The following DCAF8 variants were observed in gnomAD, a reference collection of about 807,000 sequenced individuals.
The protein encoded by DCAF8 is DDB1 and CUL4 associated factor 8.
Under a neutral mutation model 68.0 loss-of-function variants are expected in DCAF8, and 20 were observed. The ratio of observed to expected loss-of-function variants is 0.29; its 90% CI spans 0.21 to 0.43. The LOEUF is 0.43. Ranked by LOEUF, DCAF8 falls within the 20% of genes least tolerant of loss-of-function variation. DCAF8 has a pLI of 1.00. For synonymous variants in DCAF8, 230 were observed against 276.9 expected (o/e 0.83, Z 1.68); for missense variants, 460 against 771.0 (o/e 0.60, Z 4.78).
At chr1:160,254,052 C>T (rs1023852116) in intron 2 of DCAF8, among the ~76,000 whole-genome samples, 3 of 151,994 alleles carry the variant, frequency 2.0e-5, no homozygotes, top group Non-Finnish European at 4.4e-5. Flanking sequence ...GGGATGGGTG[C>T]GTGGCTCATG....
chr1:160,244,473 ACAACACT>A (rs1656240448), intron 2 of DCAF8, among the ~76,000 whole-genome samples: 1 of 152,222 alleles, frequency 6.6e-6, no homozygotes, highest in Non-Finnish European at 1.5e-5. Context: ...CAAACTCTGT[ACAACACT>A]TGTTTTCACA....
intron 6 of DCAF8, among the ~76,000 whole-genome samples, chr1:160,234,055 T>G (rs1655784635): frequency 6.6e-6 from 1 of 152,156 alleles, no homozygotes; most frequent in African/African-American, 2.4e-5. Flanking sequence ...GCTAAAGGAA[T>G]ATTCCATCCA....
intron 5 of DCAF8, among the ~76,000 whole-genome samples, chr1:160,237,485 G>GAGATATGAA (rs1655936404): frequency 6.6e-6 from 1 of 152,138 alleles, no homozygotes; most frequent in South Asian, 2.1e-4. Flanking sequence ...AAGTCCTCAA[G>GAGATATGAA]AGATATGAAC....
intron 6 of DCAF8, among the ~76,000 whole-genome samples, chr1:160,234,860 A>G (rs1655815974): frequency 6.6e-6 from 1 of 152,152 alleles, no homozygotes; most frequent in Non-Finnish European, 1.5e-5. Context: ...TTCCACTATA[A>G]ATCTCCCAGT....
At chr1:160,241,980 C>T (rs1317153052) in intron 3 of DCAF8, among the ~76,000 whole-genome samples, 1 of 152,212 alleles carries the variant, frequency 6.6e-6, no homozygotes, top group African/African-American at 2.4e-5. Flanking sequence ...CGGTGGCTAA[C>T]ACCTGTAATC....
At chr1:160,224,355 G>T in intron 10 of DCAF8, 87 bp downstream of exon 10, 2 of 974,866 alleles carry the variant, frequency 2.1e-6, no homozygotes, top group Non-Finnish European at 3.2e-6. Context: ...CAGGCAGGTA[G>T]TTTCTATTTG....
At chr1:160,236,323 TATAA>T (rs201535712) in intron 6 of DCAF8, among the ~76,000 whole-genome samples, 5,057 of 152,032 alleles carry the variant, frequency 0.033, 277 homozygotes, top group African/African-American at 0.12. Flanking sequence ...CGTGTGTGTA[TATAA>T]ATACATATGT....
chr1:160,239,252 G>C, intron 4 of DCAF8: 1 of 1,106,700 alleles, frequency 9.0e-7, no homozygotes, highest in Non-Finnish European at 1.1e-6. Context: ...TTAAGTACCA[G>C]TCACAGTTCT....
intron 8 of DCAF8, 98 bp downstream of exon 8, chr1:160,225,493 T>G: frequency 1.1e-6 from 1 of 948,134 alleles, no homozygotes; most frequent in Non-Finnish European, 1.6e-6. Context: ...ATGACTGACT[T>G]GAAAGTCCAA....
At chr1:160,219,835 A>G (rs1299716722) in intron 11 of DCAF8, 1 of 152,376 alleles carries the variant, frequency 6.6e-6, no homozygotes, top group African/African-American at 2.4e-5. Context: ...TACCCCATCC[A>G]GAAGAGTTAG....
chr1:160,262,301 T>C, intron 1 of DCAF8, 148 bp downstream of exon 1: 2 of 399,094 alleles, frequency 5.0e-6, no homozygotes, highest in Non-Finnish European at 8.8e-6. Context: ...AGGGGGGGTG[T>C]CCGGCTGGGG....
intron 2 of DCAF8, among the ~76,000 whole-genome samples, chr1:160,255,113 T>C (rs1557843198): frequency 6.6e-6 from 1 of 152,230 alleles, no homozygotes; most frequent in Non-Finnish European, 1.5e-5. Flanking sequence ...GTATATAATA[T>C]AGGACACAGT....
In DCAF8 at chr1:160,218,392, T is replaced by A; in HGVS notation, c.1609A>T (p.Thr537Ser). 6.2e-7 allele frequency: 1 copy of A among 1,614,148 alleles called. No homozygotes were observed. Among genetic ancestry groups the A allele is most frequent in the Non-Finnish European group, 8.5e-7 (1 of 1,180,028 alleles). The stretch of plus-strand genomic sequence containing the variant: ...AGCATGTGACTATCAAACAGGTCAG[T>A]TTGGTGCAAGCTATCTTCATCCCGC... ...RERDEDSLHQ[T>S]DLFDSHMLWF... is the part of the protein sequence containing the mutation. The change falls in exon 13 of 14, where the codon ACT (threonine) becomes TCT (serine). Residue 537 changes from threonine (T) to serine (S), a missense_variant. Thr to Ser is a moderately conservative substitution (Grantham distance 58). This residue lies in a region of DCAF8 where 80 missense variants were observed against 115.1 expected (regional missense o/e 0.70). Transcript: ENST00000368074.
At chr1:160,256,819 G>A (rs1486381573) in intron 2 of DCAF8, among the ~76,000 whole-genome samples, 1 of 152,130 alleles carries the variant, frequency 6.6e-6, no homozygotes, top group African/African-American at 2.4e-5. Flanking sequence ...TAATTTATCT[G>A]TATCATAACA....
intron 3 of DCAF8, among the ~76,000 whole-genome samples, chr1:160,242,859 A>G (rs1239600442): frequency 6.6e-6 from 1 of 152,216 alleles, no homozygotes; most frequent in Non-Finnish European, 1.5e-5. Context: ...GACCTAGCTA[A>G]TGGTCAAGCT....
At chr1:160,255,687 T>C (rs953185023) in intron 2 of DCAF8, among the ~76,000 whole-genome samples, 8 of 152,122 alleles carry the variant, frequency 5.3e-5, no homozygotes, top group African/African-American at 1.4e-4. Flanking sequence ...TGGTGTGATA[T>C]TGGGTCACTG....
intron 3 of DCAF8, among the ~76,000 whole-genome samples, chr1:160,242,106 G>T (rs962169823): frequency 1.3e-5 from 2 of 152,146 alleles, no homozygotes; most frequent in African/African-American, 4.8e-5. Context: ...TTAGCCGGGC[G>T]TGGTGGCATG....
chr1:160,231,058 T>A (rs1655663828), intron 7 of DCAF8, among the ~76,000 whole-genome samples: 1 of 152,116 alleles, frequency 6.6e-6, no homozygotes, highest in Non-Finnish European at 1.5e-5. Flanking sequence ...CTGACCATCA[T>A]CTAACTTCTT....
chr1:160,255,531 T>G (rs1354881350), intron 2 of DCAF8, among the ~76,000 whole-genome samples: 2 of 152,190 alleles, frequency 1.3e-5, no homozygotes, highest in Non-Finnish European at 2.9e-5. Flanking sequence ...AATAAGGAAC[T>G]TTGTTCCTTC....
Sources: gnomAD v4.1 joint callset for allele counts (sites outside exome capture counted in the v4.1 genomes callset) on GRCh38, gnomAD v4.1.1 for gene constraint, gnomAD v4.1.1 regional missense constraint, MANE v1.5 for transcripts, NCBI Gene and HGNC (gene_info 2026-07-23, HGNC 2026-07-21) for gene names.